LINGO2: variants seen among roughly 807,000 people sequenced by gnomAD.
LINGO2 encodes the protein leucine-rich repeat and immunoglobulin-like domain-containing nogo receptor-interacting protein 2.
LINGO2 carries 14 observed loss-of-function variants against 30.6 expected under a neutral mutation model. The observed-to-expected ratio is 0.46, with a 90% CI of 0.30 to 0.72. LINGO2 has a LOEUF of 0.72. Ranked by LOEUF, LINGO2 falls within the 30% of genes least tolerant of loss-of-function variation. LINGO2 has a pLI of 0.07. For missense variants in LINGO2, 729 were observed against 751.7 expected, an observed-to-expected ratio of 0.97 and a Z score of 0.35; for synonymous variants, 317 against 288.5, an observed-to-expected ratio of 1.10 and a Z score of -1.00.
At chr9:28,267,719 G>C (rs920889285) in intron 4 of LINGO2, among the ~76,000 whole-genome samples, 1 of 151,764 alleles carries the variant, frequency 6.6e-6, no homozygotes, top group African/African-American at 2.4e-5. Context: ...GACTTTCTTC[G>C]TACGCCAAAT....
intron 2 of LINGO2, among the ~76,000 whole-genome samples, chr9:28,420,684 C>G (rs1324014982): frequency 6.6e-6 from 1 of 151,858 alleles, no homozygotes; most frequent in Non-Finnish European, 1.5e-5. Flanking sequence ...GTAATATGAC[C>G]CATATTCAAA....
intron 5 of LINGO2, among the ~76,000 whole-genome samples, chr9:27,967,343 C>G (rs1275709438): frequency 2.0e-5 from 3 of 152,068 alleles, no homozygotes; most frequent in Admixed American, 1.3e-4. Context: ...TGAAGAGGAT[C>G]ATAATTATAA....
rs983642310 is a variant in LINGO2, at chr9:28,449,809, T to G, written c.-279+26131A>C. On this transcript the variant is annotated intron_variant, in intron 2 of 5. Coordinates refer to ENST00000379992, the Ensembl canonical transcript of LINGO2. ...TTTATGAATCAATTCTGAGACTGAC[T>G]GTACAGAAGTAAACTTGGTGACACC... 7.9e-5 allele frequency among the ~76,000 whole-genome samples: 12 copies of G among 152,186 alleles called. 1 individual carries two copies. The highest frequency in any genetic ancestry group is 2.9e-4 in the African/African-American group (12 of 41,564).
the LINGO2 span, among the ~76,000 whole-genome samples, chr9:28,943,722 G>A: frequency 6.6e-6 from 1 of 152,100 alleles, no homozygotes; most frequent in Non-Finnish European, 1.5e-5. Context: ...GTAATGGATG[G>A]AAAAAAAGGA....
chr9:28,794,043 C>A, the LINGO2 span, among the ~76,000 whole-genome samples: 2 of 152,160 alleles, frequency 1.3e-5, no homozygotes, highest in African/African-American at 4.8e-5. Flanking sequence ...CGGTGGCTCA[C>A]GCCTGTAATC....
At chr9:28,334,256 AC>A (rs1354482598) in intron 3 of LINGO2, among the ~76,000 whole-genome samples, 2 of 152,180 alleles carry the variant, frequency 1.3e-5, no homozygotes, top group Non-Finnish European at 2.9e-5. Context: ...GAAAAAAGGT[AC>A]TATGAGTGAC....
intron 2 of LINGO2, among the ~76,000 whole-genome samples, chr9:28,447,700 T>C (rs1824480870): frequency 6.6e-6 from 1 of 152,210 alleles, no homozygotes; most frequent in African/African-American, 2.4e-5. Context: ...CTTCTCTCAG[T>C]ATTCATTAAA....
the LINGO2 span, among the ~76,000 whole-genome samples, chr9:29,054,906 C>T: frequency 6.6e-5 from 10 of 152,004 alleles, no homozygotes; most frequent in Non-Finnish European, 1.5e-4. Flanking sequence ...ATGATTTGAA[C>T]TAGACTTCGA....
chr9:28,603,532 G>T (rs951004906), intron 1 of LINGO2, among the ~76,000 whole-genome samples: 2 of 151,946 alleles, frequency 1.3e-5, no homozygotes, highest in Non-Finnish European at 2.9e-5. Context: ...CCAGACCAAG[G>T]AGGAAATATA....
intron 4 of LINGO2, among the ~76,000 whole-genome samples, chr9:28,294,160 A>C (rs940371280): frequency 6.6e-6 from 1 of 152,238 alleles, no homozygotes; most frequent in Admixed American, 6.5e-5. Context: ...AATGTTTATT[A>C]AACTTTAAAA....
intron 5 of LINGO2, among the ~76,000 whole-genome samples, chr9:28,008,343 T>G (rs978297479): frequency 6.6e-6 from 1 of 152,114 alleles, no homozygotes; most frequent in Non-Finnish European, 1.5e-5. Flanking sequence ...ATATAGATGA[T>G]ATCTATAAAA....
At chr9:28,107,795 GCATTTTTTGAGAT>G (rs1826641230) in intron 4 of LINGO2, among the ~76,000 whole-genome samples, 1 of 152,052 alleles carries the variant, frequency 6.6e-6, no homozygotes, top group African/African-American at 2.4e-5. Flanking sequence ...GGGAGTCTGT[GCATTTTTTGAGAT>G]ATAAAACACC....
the LINGO2 span, among the ~76,000 whole-genome samples, chr9:29,054,686 G>A: frequency 6.6e-6 from 1 of 152,022 alleles, no homozygotes; most frequent in Admixed American, 6.6e-5. Context: ...TTGTCCTTGA[G>A]GCTTTTATAA....
chr9:28,914,836 A>C, the LINGO2 span, among the ~76,000 whole-genome samples: 1 of 152,204 alleles, frequency 6.6e-6, no homozygotes, highest in African/African-American at 2.4e-5. Flanking sequence ...TGGATGTTTT[A>C]AAGATAGTCA....
intron 3 of LINGO2, among the ~76,000 whole-genome samples, chr9:28,307,249 T>A (rs1824405953): frequency 6.6e-6 from 1 of 152,170 alleles, no homozygotes; most frequent in Non-Finnish European, 1.5e-5. Context: ...GTGGGCTTCA[T>A]CCCTGGGATG....
chr9:28,501,714 ATAC>A (rs1312121513), intron 1 of LINGO2, among the ~76,000 whole-genome samples: 1 of 151,838 alleles, frequency 6.6e-6, no homozygotes, highest in Admixed American at 6.6e-5. Flanking sequence ...CATACAGGTG[ATAC>A]TACTACCAGC....
chr9:28,893,454 T>C, the LINGO2 span, among the ~76,000 whole-genome samples: 2 of 152,032 alleles, frequency 1.3e-5, no homozygotes, highest in Non-Finnish European at 2.9e-5. Context: ...TAAAAAGTCA[T>C]GCAGTTTTTT....
At chr9:28,453,924 C>T (rs952449883) in intron 2 of LINGO2, among the ~76,000 whole-genome samples, 3 of 151,958 alleles carry the variant, frequency 2.0e-5, no homozygotes, top group Admixed American at 2.0e-4. Context: ...TGAATACTGA[C>T]CCATGCCTTT....
intron 4 of LINGO2, among the ~76,000 whole-genome samples, chr9:28,063,748 T>G (rs1252777155): frequency 1.3e-5 from 2 of 152,180 alleles, no homozygotes; most frequent in African/African-American, 4.8e-5. Context: ...AAATGGTTTA[T>G]ATTTCTCCAA....
Sources: allele counts gnomAD v4.1 joint callset (sites outside exome capture counted in the v4.1 genomes callset), GRCh38; gene constraint gnomAD v4.1.1; transcripts MANE v1.5; gene names NCBI Gene and HGNC (gene_info 2026-07-23, HGNC 2026-07-21).